Variants in SCAPER observed in about 807,000 individuals in gnomAD.
The protein encoded by SCAPER is S phase cyclin A-associated protein in the endoplasmic reticulum.
In SCAPER, 98 loss-of-function variants were observed where a neutral mutation model predicts 182.2. The observed-to-expected ratio is 0.54, with a 90% CI of 0.46 to 0.64. SCAPER has a LOEUF of 0.64. Ranked by LOEUF, SCAPER falls within the 30% of genes least tolerant of loss-of-function variation. The pLI, the probability that SCAPER is intolerant of heterozygous loss-of-function variation, is 0.00. For synonymous variants in SCAPER, 605 were observed against 564.6 expected (o/e 1.07, Z -1.01); for missense variants, 1,432 against 1,690.0 (o/e 0.85, Z 2.68).
intron 23 of SCAPER, among the ~76,000 whole-genome samples, chr15:76,560,181 A>G (rs1013156915): frequency 6.6e-6 from 1 of 152,086 alleles, no homozygotes; most frequent in African/African-American, 2.4e-5. Flanking sequence ...CCTTTGGGGA[A>G]ATAATTTAGG....
At chr15:76,400,967 A>G (rs1399045085) in intron 27 of SCAPER, among the ~76,000 whole-genome samples, 1 of 151,502 alleles carries the variant, frequency 6.6e-6, no homozygotes, top group Non-Finnish European at 1.5e-5. Flanking sequence ...GTAATTTATC[A>G]GATGTATAAA....
In SCAPER at chr15:76,381,444, G is replaced by T. The variant is rs36022476; in HGVS notation, c.3639C>A (p.Ile1213=). 4.7e-3 allele frequency: 7,517 copies of T among 1,613,840 alleles called. 322 individuals carry two copies. The African/African-American group carries it at 0.091, about 19-fold the overall frequency. ...SPKENYTQNT[I]QVAIQSLRFF... ...AACGTAAACTCTGAATGGCCACTTG[G>T]ATGGTATTTTGAGTGTAATTCTCCT... Residue 1213 remains isoleucine, a synonymous_variant, in exon 28 of 32, where the codon ATC becomes ATA. Coordinates refer to ENST00000563290, the MANE Select transcript of SCAPER (RefSeq NM_020843.4).
At chr15:76,742,340 T>A (rs1225056722) in intron 15 of SCAPER, among the ~76,000 whole-genome samples, 2 of 148,770 alleles carry the variant, frequency 1.3e-5, no homozygotes, top group African/African-American at 4.9e-5. Flanking sequence ...AAGTAGGTAA[T>A]CTAGAGGAAG....
At chr15:76,903,149 A>C (rs1189589773) in intron 1 of SCAPER, among the ~76,000 whole-genome samples, 2 of 152,166 alleles carry the variant, frequency 1.3e-5, no homozygotes, top group African/African-American at 4.8e-5. Context: ...AGCTAAATGA[A>C]GACATTAATG....
intron 21 of SCAPER, among the ~76,000 whole-genome samples, chr15:76,658,005 C>CA (rs1311225296): frequency 2.0e-5 from 3 of 152,012 alleles, no homozygotes; most frequent in East Asian, 1.9e-4. Context: ...AGAAATGGAA[C>CA]AAAACAGGAT....
At position 76,613,180 on chromosome 15, in the gene SCAPER, C is replaced by A. The variant is rs577592544; in HGVS notation, c.2711+8584G>T. On this transcript the variant is annotated intron_variant, in intron 22 of 31. Coordinates refer to ENST00000563290, the MANE Select transcript of SCAPER (RefSeq NM_020843.4). ...AAAGCAAGCAATGGGAAAAGGATTC[C>A]CTATTCAATAAATGGTGTGGGGATA... Among the ~76,000 whole-genome samples, 6 of 152,228 alleles carry A rather than the reference C, an allele frequency of 3.9e-5. 1 individual carries two copies. The highest frequency in any genetic ancestry group is 1.4e-4 in the African/African-American group (6 of 41,518).
chr15:76,466,678 T>G (rs1397330700), intron 25 of SCAPER, among the ~76,000 whole-genome samples: 1 of 151,438 alleles, frequency 6.6e-6, no homozygotes, highest in African/African-American at 2.4e-5. Flanking sequence ...AAAAGCCACT[T>G]CTTCCAGTCT....
intron 6 of SCAPER, among the ~76,000 whole-genome samples, chr15:76,803,788 A>T (rs1194043238): frequency 4.6e-5 from 7 of 152,170 alleles, no homozygotes; most frequent in Non-Finnish European, 1.0e-4. Flanking sequence ...TCTTAATACT[A>T]TCACATTGGT....
intron 22 of SCAPER, among the ~76,000 whole-genome samples, chr15:76,585,002 AG>A (rs1394499091): frequency 6.6e-6 from 1 of 152,254 alleles, no homozygotes; most frequent in Non-Finnish European, 1.5e-5. Context: ...TTTAAGCCTC[AG>A]CTATTTACAT....
chr15:76,529,360 A>G (rs146386376), intron 23 of SCAPER, among the ~76,000 whole-genome samples: 14 of 152,330 alleles, frequency 9.2e-5, no homozygotes, highest in Middle Eastern at 3.4e-3. Flanking sequence ...CTTTGTATTT[A>G]ACTTTTATTC....
intron 9 of SCAPER, among the ~76,000 whole-genome samples, chr15:76,773,684 C>T (rs1234938328): frequency 2.6e-5 from 4 of 151,640 alleles, no homozygotes; most frequent in Non-Finnish European, 5.9e-5. Context: ...GTTTATAGAT[C>T]GGAAACAATG....
chr15:76,440,906 G>GTT (rs1567143984), intron 25 of SCAPER, among the ~76,000 whole-genome samples: 39 of 112,112 alleles, frequency 3.5e-4, no homozygotes, highest in Admixed American at 8.5e-4. Context: ...TTCCCCTTCT[G>GTT]GTTTTTTTTT....
intron 20 of SCAPER, among the ~76,000 whole-genome samples, chr15:76,691,676 T>C (rs1051161519): frequency 2.0e-5 from 3 of 152,136 alleles, no homozygotes; most frequent in Admixed American, 2.0e-4. Flanking sequence ...CAATTTTAGA[T>C]AAGCAAAAAT....
At chr15:76,775,850 A>C (rs2063715205) in intron 8 of SCAPER, among the ~76,000 whole-genome samples, 1 of 152,196 alleles carries the variant, frequency 6.6e-6, no homozygotes, top group Admixed American at 6.5e-5. Context: ...AATAGCCTAA[A>C]ATAAATAAGA....
At position 76,852,222 on chromosome 15, in the gene SCAPER, A is replaced by C. The variant is rs1025701393; in HGVS notation, c.195+5587T>G. Among the ~76,000 whole-genome samples, 19 of 152,370 alleles carry C rather than the reference A, an allele frequency of 1.2e-4. 1 individual carries two copies. The highest frequency in any genetic ancestry group is 4.1e-4 in the African/African-American group (17 of 41,588). On this transcript the variant is annotated intron_variant, in intron 4 of 31. Coordinates refer to ENST00000563290, the MANE Select transcript of SCAPER (RefSeq NM_020843.4). ...TTCTTAGAGACCTACAAAGAGACTTAGACTCCCACACAATAAGAGTGGAAG... is the reference window on the plus strand; with the variant it reads ...TTCTTAGAGACCTACAAAGAGACTTCGACTCCCACACAATAAGAGTGGAAG...
At chr15:76,871,484 G>T (rs113794236) in intron 2 of SCAPER, among the ~76,000 whole-genome samples, 1 of 150,628 alleles carries the variant, frequency 6.6e-6, no homozygotes, top group Non-Finnish European at 1.5e-5. Context: ...GTCACCTGGG[G>T]AATAAGGGCA....
At chr15:76,876,704 AT>A (rs1264159542) in intron 2 of SCAPER, among the ~76,000 whole-genome samples, 1 of 152,138 alleles carries the variant, frequency 6.6e-6, no homozygotes, top group African/African-American at 2.4e-5. Context: ...AAATTTCAAT[AT>A]TTATTTATAA....
At chr15:76,417,060 T>C (rs2142285442) in intron 26 of SCAPER, among the ~76,000 whole-genome samples, 1 of 152,194 alleles carries the variant, frequency 6.6e-6, no homozygotes, top group Non-Finnish European at 1.5e-5. Flanking sequence ...ACACACACCC[T>C]GTCTCTAAAA....
chr15:76,872,483 C>CA (rs1306408609), intron 2 of SCAPER, among the ~76,000 whole-genome samples: 2 of 151,126 alleles, frequency 1.3e-5, no homozygotes, highest in Middle Eastern at 3.2e-3. Flanking sequence ...AAAGGGGTGA[C>CA]AAAAAAAACT....
Sources: allele counts gnomAD v4.1 joint callset (sites outside exome capture counted in the v4.1 genomes callset), GRCh38; gene constraint gnomAD v4.1.1; transcripts MANE v1.5; gene names NCBI Gene and HGNC (gene_info 2026-07-23, HGNC 2026-07-21).